The following HPSE2 variants were observed in gnomAD, a reference collection of about 807,000 sequenced individuals.
HPSE2 encodes the protein heparanase 2 (inactive), also known as inactive heparanase-2.
HPSE2 carries 38 observed loss-of-function variants against 60.5 expected under a neutral mutation model. That is an observed-to-expected ratio of 0.63 (90% CI 0.48 to 0.82). The LOEUF (loss-of-function observed/expected upper bound fraction) is 0.82, where lower values mean the gene tolerates loss of function less well. Among genes scored for constraint, HPSE2 ranks in the 40% least tolerant of loss-of-function variants. HPSE2 has a pLI of 0.00. For synonymous variants in HPSE2, 295 were observed against 293.2 expected (o/e 1.01, Z -0.06); for missense variants, 713 against 740.4 (o/e 0.96, Z 0.43).
rs746346925 is a variant in HPSE2 at position 98,539,989 on chromosome 10, C to T, written c.1321-49793G>A. Among the ~76,000 whole-genome samples, 3 of 152,260 alleles carry T rather than the reference C, an allele frequency of 2.0e-5. No homozygotes were observed. The South Asian group carries it at 6.2e-4, about 31-fold the overall frequency. On this transcript the variant is annotated intron_variant, in intron 9 of 11. Transcript: ENST00000370552. ...AGAAGTAGGGAACCGGGATTTCAGG[C>T]CCTGCCTGGTCAGTGACAGCAGTAT... is the stretch of plus-strand genomic sequence containing the variant.
chr10:98,743,554 T>C (rs1156991018), intron 4 of HPSE2, among the ~76,000 whole-genome samples: 1 of 152,162 alleles, frequency 6.6e-6, no homozygotes, highest in Non-Finnish European at 1.5e-5. Context: ...AGAACACACA[T>C]TGTAAAAGGC....
intron 3 of HPSE2, among the ~76,000 whole-genome samples, chr10:98,802,833 C>T (rs1377252741): frequency 1.3e-4 from 18 of 143,144 alleles, no homozygotes; most frequent in African/African-American, 4.8e-4. Context: ...TGGGTATATA[C>T]CCAGTAATGG....
intron 9 of HPSE2, among the ~76,000 whole-genome samples, chr10:98,589,795 T>G (rs1945038255): frequency 6.6e-6 from 1 of 152,230 alleles, no homozygotes; most frequent in Non-Finnish European, 1.5e-5. Flanking sequence ...AACACATAAC[T>G]GCTTGATAAG....
At chr10:98,792,324 G>A (rs1451495875) in intron 3 of HPSE2, among the ~76,000 whole-genome samples, 4 of 151,878 alleles carry the variant, frequency 2.6e-5, no homozygotes, top group Non-Finnish European at 5.9e-5. Context: ...TAATCCTTTG[G>A]ACATAAGAAA....
chr10:99,037,161 G>A (rs1343149992), intron 3 of HPSE2, among the ~76,000 whole-genome samples: 15 of 152,080 alleles, frequency 9.9e-5, no homozygotes, highest in Admixed American at 9.8e-4. Context: ...CTTTGAAACT[G>A]TCAAGGTCAT....
intron 3 of HPSE2, among the ~76,000 whole-genome samples, chr10:98,818,624 G>A (rs940124563): frequency 5.9e-5 from 9 of 152,092 alleles, no homozygotes; most frequent in Non-Finnish European, 1.2e-4. Flanking sequence ...AAAGTCCAAC[G>A]AGGAGCCAAA....
Position 98,743,926 on chromosome 10 carries a change from G to A in HPSE2, c.741C>T (p.Tyr247=), listed in dbSNP as rs1237280459. ...NSSSALSLLK[Y]SASKKYNISW... is the part of the protein sequence containing the mutation. ...AAATGTTGTACTTTTTGCTGGCGCT[G>A]TACTTCAACAGACTCAGGGCACTAG... Residue 247 remains tyrosine, a synonymous_variant, in exon 4 of 12, where the codon TAC becomes TAT. Coordinates refer to ENST00000370552, the MANE Select transcript of HPSE2 (RefSeq NM_021828.5). 1.9e-6 allele frequency: 3 copies of A among 1,614,054 alleles called. No homozygotes were observed. Among genetic ancestry groups the A allele is most frequent in the South Asian group, 2.2e-5 (2 of 91,084 alleles).
intron 3 of HPSE2, among the ~76,000 whole-genome samples, chr10:98,932,227 C>CA (rs1954660651): frequency 6.9e-6 from 1 of 144,012 alleles, no homozygotes; most frequent in South Asian, 2.1e-4. Flanking sequence ...TTGGAATAAT[C>CA]ATATGGTTTT....
At chr10:99,078,956 T>C (rs1843038424) in intron 3 of HPSE2, among the ~76,000 whole-genome samples, 1 of 152,114 alleles carries the variant, frequency 6.6e-6, no homozygotes, top group Non-Finnish European at 1.5e-5. Context: ...CATTCCAAGA[T>C]AAACGAGACT....
chr10:98,683,150 A>C (rs1423403089), intron 6 of HPSE2, among the ~76,000 whole-genome samples: 3 of 152,198 alleles, frequency 2.0e-5, no homozygotes, highest in Non-Finnish European at 4.4e-5. Flanking sequence ...TAATCAAATC[A>C]CCTTATGTAG....
At chr10:98,462,128 G>C (rs141917160) in intron 11 of HPSE2, among the ~76,000 whole-genome samples, 1 of 152,282 alleles carries the variant, frequency 6.6e-6, no homozygotes, top group Non-Finnish European at 1.5e-5. Context: ...AAAGCATAAT[G>C]AACCATATAC....
chr10:98,865,550 G>A (rs1465355130), intron 3 of HPSE2, among the ~76,000 whole-genome samples: 9 of 151,988 alleles, frequency 5.9e-5, no homozygotes, highest in Non-Finnish European at 1.2e-4. Context: ...AGGAGATAGA[G>A]GTAAGAGTCT....
At position 98,891,388 on chromosome 10, in the gene HPSE2, T is replaced by C. The variant is rs1953330652; in HGVS notation, c.611-147332A>G. Among the ~76,000 whole-genome samples, 6 of 152,298 alleles carry C rather than the reference T, an allele frequency of 3.9e-5. No homozygotes were observed. The South Asian group carries it at 1.0e-3, about 26-fold the overall frequency. ...GGAACATTTATTTCTAATTTACTCA[T>C]GGAATGTAATGAAATTACATTACCA... is the stretch of plus-strand genomic sequence containing the variant. On this transcript the variant is annotated intron_variant, in intron 3 of 11. Transcript: ENST00000370552.
chr10:99,171,375 C>G (rs1283289461), intron 2 of HPSE2, among the ~76,000 whole-genome samples: 2 of 152,152 alleles, frequency 1.3e-5, no homozygotes, highest in Middle Eastern at 3.4e-3. Context: ...GAAACTACTA[C>G]AGTCTGGAGA....
chr10:98,549,056 G>A (rs921897896), intron 9 of HPSE2, among the ~76,000 whole-genome samples: 1 of 152,042 alleles, frequency 6.6e-6, no homozygotes, highest in Non-Finnish European at 1.5e-5. Flanking sequence ...ATATCCTAAA[G>A]TACTCACGTT....
intron 4 of HPSE2, among the ~76,000 whole-genome samples, chr10:98,724,598 T>C (rs1414100669): frequency 6.6e-6 from 1 of 152,142 alleles, no homozygotes; most frequent in Non-Finnish European, 1.5e-5. Context: ...TGTGTGGGAG[T>C]CTAAGTCTCT....
chr10:98,935,460 T>C lies in HPSE2; in HGVS notation c.611-191404A>G, dbSNP rs1044376572. Among the ~76,000 whole-genome samples the C allele has an allele frequency of 6.3e-5, 9 of 143,910 alleles. 2 individuals carry two copies. The highest frequency in any genetic ancestry group is 2.5e-4 in the African/African-American group (9 of 35,376). The allele number at this position is 143,910 out of a possible 152,430, so 94.4% of individuals were successfully genotyped here. A position where few individuals can be genotyped will look rare whatever the true frequency, so the allele number is the denominator to read the frequency against. ...ATCTTTGAGGCTGACAACCTTTGGATAGGGTTTTTGTGGGGTCTTTTTTGT... is the reference window on the plus strand; with the variant it reads ...ATCTTTGAGGCTGACAACCTTTGGACAGGGTTTTTGTGGGGTCTTTTTTGT... On this transcript the variant is annotated intron_variant, in intron 3 of 11. Coordinates refer to ENST00000370552, the MANE Select transcript of HPSE2 (RefSeq NM_021828.5).
intron 9 of HPSE2, among the ~76,000 whole-genome samples, chr10:98,557,069 C>G (rs189902837): frequency 6.6e-6 from 1 of 151,758 alleles, no homozygotes; most frequent in African/African-American, 2.4e-5. Context: ...AAAAATTAGC[C>G]GGGCATGGTG....
chr10:98,905,214 T>G (rs929505160), intron 3 of HPSE2, among the ~76,000 whole-genome samples: 4 of 151,860 alleles, frequency 2.6e-5, no homozygotes, highest in Non-Finnish European at 4.4e-5. Flanking sequence ...CATTGTGCAG[T>G]TTAGTTACAT....
Sources: allele counts gnomAD v4.1 joint callset (sites outside exome capture counted in the v4.1 genomes callset), GRCh38; gene constraint gnomAD v4.1.1; transcripts MANE v1.5; gene names NCBI Gene and HGNC (gene_info 2026-07-23, HGNC 2026-07-21).